The following ARB2A variants were observed in gnomAD, a reference collection of about 807,000 sequenced individuals.
The protein encoded by ARB2A is cotranscriptional regulator ARB2A.
the ARB2A span, among the ~76,000 whole-genome samples, chr5:93,980,991 G>T: frequency 2.0e-5 from 3 of 151,440 alleles, no homozygotes; most frequent in African/African-American, 7.3e-5. Flanking sequence ...GCCTTTCTCT[G>T]ATTTCCTTTG....
the ARB2A span, among the ~76,000 whole-genome samples, chr5:93,857,585 G>A: frequency 2.0e-5 from 3 of 152,176 alleles, no homozygotes; most frequent in Non-Finnish European, 4.4e-5. Context: ...AGGACCCTCC[G>A]AGCCATGTGC....
chr5:93,805,285 C>T, the ARB2A span: 4 of 984,980 alleles, frequency 4.1e-6, no homozygotes, highest in Non-Finnish European at 4.8e-6. Context: ...AGCTTGAAAG[C>T]TTTTTGGCAA....
At chr5:94,097,977 C>G in the ARB2A span, among the ~76,000 whole-genome samples, 1 of 152,138 alleles carries the variant, frequency 6.6e-6, no homozygotes, top group South Asian at 2.1e-4. Flanking sequence ...ACCTCAACTC[C>G]TCCAGCACAG....
chr5:94,101,293 C>T, the ARB2A span, among the ~76,000 whole-genome samples: 1 of 152,124 alleles, frequency 6.6e-6, no homozygotes, highest in South Asian at 2.1e-4. Flanking sequence ...ATTAAAAAGT[C>T]AAAAAATAAC....
At chr5:93,789,087 A>G in the ARB2A span, among the ~76,000 whole-genome samples, 1 of 152,172 alleles carries the variant, frequency 6.6e-6, no homozygotes, top group South Asian at 2.1e-4. Context: ...CTATGTTTGG[A>G]TATATCACAT....
the ARB2A span, among the ~76,000 whole-genome samples, chr5:94,096,640 T>A: frequency 1.3e-5 from 2 of 152,076 alleles, no homozygotes; most frequent in Non-Finnish European, 2.9e-5. Flanking sequence ...CCATTATCAA[T>A]CTAGACGATG....
chr5:93,664,634 AATATATAT>A, the ARB2A span, among the ~76,000 whole-genome samples: 1 of 145,960 alleles, frequency 6.9e-6, no homozygotes, highest in South Asian at 2.1e-4. Flanking sequence ...TCGTCTCAAA[AATATATAT>A]ATATATATAT....
At chr5:93,871,181 T>C in the ARB2A span, among the ~76,000 whole-genome samples, 5 of 152,244 alleles carry the variant, frequency 3.3e-5, no homozygotes, top group Non-Finnish European at 5.9e-5. Context: ...TTTGAGAGTT[T>C]TTTAATTCTT....
At chr5:94,067,944 A>G in the ARB2A span, among the ~76,000 whole-genome samples, 4 of 152,214 alleles carry the variant, frequency 2.6e-5, no homozygotes, top group Non-Finnish European at 5.9e-5. Context: ...CAGTAACCAA[A>G]ACAGCATAAT....
At chr5:93,891,152 C>A in the ARB2A span, among the ~76,000 whole-genome samples, 1 of 152,090 alleles carries the variant, frequency 6.6e-6, no homozygotes, top group African/African-American at 2.4e-5. Context: ...AAAGGAAGCA[C>A]ATAGTCCTTT....
At chr5:94,043,140 A>T in the ARB2A span, among the ~76,000 whole-genome samples, 8 of 152,064 alleles carry the variant, frequency 5.3e-5, no homozygotes, top group Non-Finnish European at 1.2e-4. Flanking sequence ...AAATTGAGAC[A>T]TCAGAATAGA....
At chr5:93,794,433 T>G in the ARB2A span, among the ~76,000 whole-genome samples, 1 of 152,156 alleles carries the variant, frequency 6.6e-6, no homozygotes, top group Non-Finnish European at 1.5e-5. Context: ...AATTCAGAGA[T>G]TTCATCTTGG....
chr5:93,966,741 C>T, the ARB2A span, among the ~76,000 whole-genome samples: 2 of 152,116 alleles, frequency 1.3e-5, no homozygotes, highest in Admixed American at 6.6e-5. Context: ...GTAACTCTCA[C>T]GGTCTCATCC....
chr5:94,097,761 C>T, the ARB2A span, among the ~76,000 whole-genome samples: 7 of 152,148 alleles, frequency 4.6e-5, no homozygotes, highest in South Asian at 2.1e-4. Context: ...AGCACACACC[C>T]GCCCACAGCC....
the ARB2A span, among the ~76,000 whole-genome samples, chr5:93,794,368 C>T: frequency 6.6e-6 from 1 of 152,056 alleles, no homozygotes; most frequent in Non-Finnish European, 1.5e-5. Flanking sequence ...CTTCACCTTT[C>T]TCTGGTGCCT....
chr5:93,784,555 C>T, the ARB2A span: 1 of 1,291,912 alleles, frequency 7.7e-7, no homozygotes, highest in Non-Finnish European at 1.1e-6. Context: ...CTACTGGGTG[C>T]AGCCTGCTTA....
At chr5:93,621,270 C>T in the ARB2A span, 1 of 683,112 alleles carries the variant, frequency 1.5e-6, no homozygotes. Context: ...CCCGCCTCAG[C>T]CGCCCGCGCC....
chr5:94,103,796 A>T, the ARB2A span, among the ~76,000 whole-genome samples: 2 of 10,750 alleles, frequency 1.9e-4, no homozygotes, highest in Non-Finnish European at 3.1e-4. Context: ...CAACAGATTC[A>T]AAAAAAAAAA....
the ARB2A span, among the ~76,000 whole-genome samples, chr5:93,626,493 A>G: frequency 6.6e-6 from 1 of 152,360 alleles, no homozygotes; most frequent in South Asian, 2.1e-4. Context: ...GAATACAGGC[A>G]TACCTTGAAG....
Sources: gnomAD v4.1 joint callset for allele counts (sites outside exome capture counted in the v4.1 genomes callset) on GRCh38, gnomAD v4.1.1 for gene constraint, MANE v1.5 for transcripts, NCBI Gene and HGNC (gene_info 2026-07-23, HGNC 2026-07-21) for gene names.